TSPAN9: variants seen among roughly 807,000 people sequenced by gnomAD.
TSPAN9 encodes tetraspanin-9.
Under a neutral mutation model 31.0 loss-of-function variants are expected in TSPAN9, and 16 were observed. The observed-to-expected ratio is 0.52, with a 90% CI of 0.35 to 0.78. The LOEUF is 0.78. TSPAN9 is among the 30% of genes least tolerant of loss of function. The pLI is 0.01. For synonymous variants in TSPAN9, 145 were observed against 121.6 expected (o/e 1.19, Z -1.27); for missense variants, 272 against 312.5 (o/e 0.87, Z 0.98).
intron 4 of TSPAN9, 63 bp from the exon 5 acceptor site, chr12:3,278,929 C>T: frequency 6.4e-7 from 1 of 1,563,540 alleles, no homozygotes; most frequent in Non-Finnish European, 8.8e-7. Flanking sequence ...CTGCCTTCCA[C>T]ACCCTCCTTG....
chr12:3,251,462 C>A (rs1377562790), intron 3 of TSPAN9, among the ~76,000 whole-genome samples: 1 of 150,770 alleles, frequency 6.6e-6, no homozygotes, highest in Non-Finnish European at 1.5e-5. Flanking sequence ...TTCAAAAGTT[C>A]TTTTTTCAAA....
At chr12:3,116,593 C>T (rs764887521) in intron 2 of TSPAN9, among the ~76,000 whole-genome samples, 10 of 152,168 alleles carry the variant, frequency 6.6e-5, no homozygotes, top group South Asian at 2.1e-4. Flanking sequence ...GAAGGGTCCC[C>T]GTAGGTCACC....
chr12:3,113,961 C>T (rs2098320662), intron 2 of TSPAN9, among the ~76,000 whole-genome samples: 1 of 151,276 alleles, frequency 6.6e-6, no homozygotes, highest in Non-Finnish European at 1.5e-5. Flanking sequence ...AGCAGCATTT[C>T]CCCCCATTTA....
At chr12:3,154,033 T>A (rs914667676) in intron 2 of TSPAN9, among the ~76,000 whole-genome samples, 12 of 150,060 alleles carry the variant, frequency 8.0e-5, no homozygotes, top group Non-Finnish European at 1.6e-4. Context: ...TGTGTGTGTG[T>A]GTGTGTGTCT....
At chr12:3,114,393 A>C (rs1047449414) in intron 2 of TSPAN9, among the ~76,000 whole-genome samples, 4 of 152,146 alleles carry the variant, frequency 2.6e-5, no homozygotes, top group Admixed American at 2.6e-4. Flanking sequence ...TGGCCCACAG[A>C]CTGTAGTTTG....
intron 2 of TSPAN9, among the ~76,000 whole-genome samples, chr12:3,166,292 C>T (rs371053101): frequency 3.3e-5 from 5 of 152,300 alleles, no homozygotes; most frequent in South Asian, 4.1e-4. Flanking sequence ...CAAGCAGTAA[C>T]GCTGCCTTTC....
intron 2 of TSPAN9, among the ~76,000 whole-genome samples, chr12:3,153,140 C>G (rs74944922): frequency 0.014 from 2,088 of 152,310 alleles, 60 homozygotes; most frequent in African/African-American, 0.047. Flanking sequence ...GACACCTTTT[C>G]CTTGTGCCTT....
chr12:3,230,160 G>A (rs940697793), intron 3 of TSPAN9, among the ~76,000 whole-genome samples: 1 of 152,172 alleles, frequency 6.6e-6, no homozygotes, highest in Non-Finnish European at 1.5e-5. Context: ...CCCATCACTG[G>A]TCTCTCCCCA....
chr12:3,178,454 C>G (rs984362223), intron 2 of TSPAN9, among the ~76,000 whole-genome samples: 1 of 152,140 alleles, frequency 6.6e-6, no homozygotes, highest in Non-Finnish European at 1.5e-5. Flanking sequence ...CCACGCCTGG[C>G]TAACTTTTGT....
intron 3 of TSPAN9, among the ~76,000 whole-genome samples, chr12:3,252,832 T>C (rs1340996188): frequency 6.6e-6 from 1 of 152,070 alleles, no homozygotes; most frequent in Non-Finnish European, 1.5e-5. Context: ...GCTGGGGGCG[T>C]GTCACTTTCT....
intron 3 of TSPAN9, among the ~76,000 whole-genome samples, chr12:3,262,148 G>A (rs997911114): frequency 2.6e-5 from 4 of 152,232 alleles, no homozygotes; most frequent in African/African-American, 9.6e-5. Context: ...AAGCCGCCAC[G>A]TGGATGGCAG....
intron 2 of TSPAN9, among the ~76,000 whole-genome samples, chr12:3,183,653 C>T (rs1306371098): frequency 2.0e-5 from 3 of 152,108 alleles, no homozygotes; most frequent in Non-Finnish European, 4.4e-5. Flanking sequence ...TACTTTTAGG[C>T]CAGAGTGGGC....
chr12:3,252,615 C>T (rs1425759873), intron 3 of TSPAN9, among the ~76,000 whole-genome samples: 2 of 152,244 alleles, frequency 1.3e-5, no homozygotes, highest in Non-Finnish European at 2.9e-5. Flanking sequence ...CTCTTGTCAT[C>T]ACAGCCGGAG....
chr12:3,205,604 G>T (rs2098374627), intron 3 of TSPAN9, among the ~76,000 whole-genome samples: 1 of 152,188 alleles, frequency 6.6e-6, no homozygotes, highest in African/African-American at 2.4e-5. Context: ...CTGAAAACAG[G>T]AGTAGTGAGT....
At chr12:3,262,399 A>G (rs892808681) in intron 3 of TSPAN9, among the ~76,000 whole-genome samples, 1 of 151,466 alleles carries the variant, frequency 6.6e-6, no homozygotes, top group Admixed American at 6.6e-5. Context: ...TTGAATAAGC[A>G]AAAGCAAGAG....
chr12:3,227,084 C>T (rs1170328040), intron 3 of TSPAN9, among the ~76,000 whole-genome samples: 1 of 151,900 alleles, frequency 6.6e-6, no homozygotes, highest in African/African-American at 2.4e-5. Flanking sequence ...GTCCCTGGGC[C>T]TCTGCCTGTA....
In TSPAN9 at chr12:3,273,589, C is replaced by T. The variant is rs118042899; in HGVS notation, c.64-4832C>T. ...GGAAGGGAATTTTCCCAAATGCCAC[C>T]AGCTAAGCTCTCCGGCCCTGAGCTT... On this transcript the variant is annotated intron_variant, in intron 3 of 8. Coordinates refer to ENST00000011898, the MANE Select transcript of TSPAN9 (RefSeq NM_006675.5). 3.2e-4 allele frequency among the ~76,000 whole-genome samples: 49 copies of T among 152,360 alleles called. No homozygotes were observed. The East Asian group carries it at 9.3e-3, about 29-fold the overall frequency.
chr12:3,152,118 C>T (rs907891304), intron 2 of TSPAN9, among the ~76,000 whole-genome samples: 6 of 152,328 alleles, frequency 3.9e-5, no homozygotes, highest in African/African-American at 7.2e-5. Context: ...GGGAATCTCT[C>T]CCTGGGGAGT....
At chr12:3,208,294 A>G (rs535321677) in intron 3 of TSPAN9, among the ~76,000 whole-genome samples, 1 of 151,978 alleles carries the variant, frequency 6.6e-6, no homozygotes, top group East Asian at 1.9e-4. Flanking sequence ...TTCGGGGTAT[A>G]TGGGAGAATG....
Sources: allele counts gnomAD v4.1 joint callset (sites outside exome capture counted in the v4.1 genomes callset), GRCh38; gene constraint gnomAD v4.1.1; transcripts MANE v1.5; gene names NCBI Gene and HGNC (gene_info 2026-07-23, HGNC 2026-07-21).